PLOD2: variants seen among roughly 807,000 people sequenced by gnomAD.
PLOD2 encodes lysine hydroxylase 2.
In PLOD2, 65 loss-of-function variants were observed where a neutral mutation model predicts 101.0. That is an observed-to-expected ratio of 0.64 (90% confidence interval 0.53 to 0.79). The LOEUF (loss-of-function observed/expected upper bound fraction) is 0.79. PLOD2 is among the 30% of genes least tolerant of loss of function. The pLI is 0.00. For synonymous variants in PLOD2, 314 were observed against 302.9 expected, an observed-to-expected ratio of 1.04 and a Z score of -0.38; for missense variants, 909 against 914.6, an observed-to-expected ratio of 0.99 and a Z score of 0.08.
At chr3:146,106,670 A>G (rs763396313) in intron 4 of PLOD2, 26 bp from the exon 5 acceptor site, 23 of 1,166,648 alleles carry the variant, frequency 2.0e-5, no homozygotes, top group South Asian at 9.8e-5. Context: ...GAGAAAGTAG[A>G]TAATTTAGGA....
chr3:146,089,312 AG>A (rs1936895763), intron 8 of PLOD2, among the ~76,000 whole-genome samples: 2 of 151,328 alleles, frequency 1.3e-5, no homozygotes, highest in Admixed American at 6.6e-5. Flanking sequence ...TTTGGTGTGG[AG>A]TTTATCCTTC....
chr3:146,098,716 T>C (rs1002840307), intron 7 of PLOD2, among the ~76,000 whole-genome samples: 3 of 152,122 alleles, frequency 2.0e-5, no homozygotes, highest in Admixed American at 1.3e-4. Context: ...TCACCACTTA[T>C]AGATTATATA....
At chr3:146,079,853 T>A (rs1406942964) in intron 12 of PLOD2, among the ~76,000 whole-genome samples, 1 of 152,018 alleles carries the variant, frequency 6.6e-6, no homozygotes, top group East Asian at 1.9e-4. Flanking sequence ...CAAAATTATA[T>A]TCTCTTACCA....
chr3:146,084,978 C>T (rs1357739873), intron 11 of PLOD2, among the ~76,000 whole-genome samples, 191 bp downstream of exon 11: 1 of 151,988 alleles, frequency 6.6e-6, no homozygotes, highest in Admixed American at 6.6e-5. Context: ...TTAAATAATT[C>T]CAGATGTATT....
chr3:146,158,207 C>A (rs1055511295), intron 1 of PLOD2, among the ~76,000 whole-genome samples: 2 of 152,060 alleles, frequency 1.3e-5, no homozygotes, highest in African/African-American at 2.4e-5. Context: ...AGGGTATGAA[C>A]CTGATTTACT....
intron 7 of PLOD2, among the ~76,000 whole-genome samples, chr3:146,092,361 A>G (rs376848589): frequency 5.9e-5 from 9 of 152,066 alleles, no homozygotes; most frequent in African/African-American, 1.9e-4. Flanking sequence ...AACTAACACA[A>G]CGCCACACAA....
intron 10 of PLOD2, 92 bp downstream of exon 10, chr3:146,086,694 AT>A: frequency 1.1e-6 from 1 of 907,738 alleles, no homozygotes; most frequent in Non-Finnish European, 1.6e-6. Context: ...AGACACCCAA[AT>A]TTGGCATAAC....
intron 1 of PLOD2, among the ~76,000 whole-genome samples, chr3:146,136,297 T>C (rs2031225045): frequency 6.6e-6 from 1 of 152,134 alleles, no homozygotes; most frequent in Admixed American, 6.5e-5. Context: ...TACCAATTCA[T>C]ATTACAGGTT....
chr3:146,089,583 TG>T (rs1402025169), intron 8 of PLOD2, among the ~76,000 whole-genome samples: 1 of 151,614 alleles, frequency 6.6e-6, no homozygotes, highest in Non-Finnish European at 1.5e-5. Context: ...ATACATTAAG[TG>T]CTGAATTAGC....
At chr3:146,128,070 T>C (rs796965572) in intron 1 of PLOD2, among the ~76,000 whole-genome samples, 5 of 152,258 alleles carry the variant, frequency 3.3e-5, no homozygotes, top group African/African-American at 1.2e-4. Context: ...GTAAATCTTT[T>C]AGCAGACTGA....
chr3:146,112,860 A>C (rs912903732), intron 3 of PLOD2, among the ~76,000 whole-genome samples: 17 of 148,234 alleles, frequency 1.1e-4, no homozygotes, highest in Admixed American at 9.5e-4. Context: ...AAAAAAAAAA[A>C]AAAACAAAAC....
intron 7 of PLOD2, among the ~76,000 whole-genome samples, chr3:146,098,339 G>A (rs1304824491): frequency 1.3e-5 from 2 of 151,998 alleles, no homozygotes; most frequent in East Asian, 1.9e-4. Context: ...TCAAGAAAAA[G>A]TAAACCTTCA....
chr3:146,072,964 C>T (rs1936204524), intron 16 of PLOD2, among the ~76,000 whole-genome samples: 1 of 151,524 alleles, frequency 6.6e-6, no homozygotes, highest in African/African-American at 2.4e-5. Context: ...AAAGACAGCC[C>T]AGTTTCTTCC....
intron 1 of PLOD2, among the ~76,000 whole-genome samples, chr3:146,153,954 T>C (rs1213058960): frequency 6.6e-6 from 1 of 152,154 alleles, no homozygotes; most frequent in Non-Finnish European, 1.5e-5. Flanking sequence ...AGAAAGTTCT[T>C]TGTAAAAATT....
rs1249614256 is a variant in PLOD2 at position 146,120,286 on chromosome 3, C to G, written c.338+826G>C. Among the ~76,000 whole-genome samples the G allele has an allele frequency of 4.6e-5, 7 of 151,976 alleles. No individual in the cohort carries two copies. In the South Asian group the frequency reaches 1.0e-3, roughly 23 times the overall value. On this transcript the variant is annotated intron_variant, in intron 3 of 19. Transcript: ENST00000282903. ...ACATCCTTCACACACTTTTTGATGG[C>G]CCTATTTGTTTTTTTCTTGTAAATT...
intron 1 of PLOD2, among the ~76,000 whole-genome samples, chr3:146,128,421 T>A (rs1446325610): frequency 6.6e-6 from 1 of 152,164 alleles, no homozygotes; most frequent in Non-Finnish European, 1.5e-5. Context: ...ACAGTTTCCA[T>A]GAATAAGAAA....
At position 146,085,287 on chromosome 3, in the gene PLOD2, A is replaced by T. The variant is rs1285828666; in HGVS notation, c.1128-14T>A. 1.5e-6 allele frequency: 2 copies of T among 1,304,472 alleles called. No individual in the cohort carries two copies. The highest frequency in any genetic ancestry group is 2.2e-6 in the Non-Finnish European group (2 of 898,050). The allele number at this position is 1,304,472 out of a possible 1,614,324, so 80.8% of individuals were successfully genotyped here. A position where few individuals can be genotyped will look rare whatever the true frequency, so the allele number is the denominator to read the frequency against. Reference sequence around the variant, plus strand: ...CGGCAAAAGTCCCTAACAGTGAAAAAGAAAATGAAATGGGCATGACATAAA... The same window carrying T: ...CGGCAAAAGTCCCTAACAGTGAAAATGAAAATGAAATGGGCATGACATAAA... On this transcript the variant is annotated splice_polypyrimidine_tract_variant and intron_variant, in intron 10 of 19. Coordinates refer to ENST00000282903, the MANE Select transcript of PLOD2 (RefSeq NM_182943.3).
rs1056454536 is a variant in PLOD2 at position 146,088,817 on chromosome 3, A to C, written c.880-106T>G. The stretch of plus-strand genomic sequence containing the variant: ...TGACATAAAAAATACTAGAATATCA[A>C]TTCAACATAATCTGCTAAATTTGAA... On this transcript the variant is annotated intron_variant, in intron 8 of 19. Coordinates refer to ENST00000282903, the MANE Select transcript of PLOD2 (RefSeq NM_182943.3). The C allele has an allele frequency of 1.4e-5, 14 of 968,020 alleles. No individual in the cohort carries two copies. The South Asian group carries it at 1.5e-4, about 10-fold the overall frequency. 60.0% of individuals were successfully genotyped at this position (968,020 alleles called of 1,614,324 possible).
chr3:146,111,187 A>G (rs1937625364), intron 3 of PLOD2, among the ~76,000 whole-genome samples: 2 of 152,142 alleles, frequency 1.3e-5, no homozygotes, highest in Admixed American at 1.3e-4. Context: ...AAATTTTTCT[A>G]CTCTGCAATA....
Sources: gnomAD v4.1 joint callset for allele counts (sites outside exome capture counted in the v4.1 genomes callset) on GRCh38, gnomAD v4.1.1 for gene constraint, MANE v1.5 for transcripts, NCBI Gene and HGNC (gene_info 2026-07-23, HGNC 2026-07-21) for gene names.